SGCD: variants seen among roughly 807,000 people sequenced by gnomAD.
The protein encoded by SGCD is delta-sarcoglycan.
In SGCD, 18 loss-of-function variants were observed where a neutral mutation model predicts 36.6. The observed-to-expected ratio is 0.49, with a 90% confidence interval of 0.34 to 0.73. The LOEUF is 0.73. Among genes scored for constraint, SGCD ranks in the 30% least tolerant of loss-of-function variants. The pLI is 0.01. For synonymous variants in SGCD, 133 were observed against 130.6 expected (o/e 1.02, Z -0.12); for missense variants, 387 against 346.7 (o/e 1.12, Z -0.92).
At chr5:156,378,880 A>T (rs1413659858) in intron 3 of SGCD, among the ~76,000 whole-genome samples, 1 of 152,202 alleles carries the variant, frequency 6.6e-6, no homozygotes, top group Non-Finnish European at 1.5e-5. Flanking sequence ...TGTATATTGC[A>T]TATGATAAAA....
At chr5:156,091,882 G>T (rs1355270827) in intron 1 of SGCD, among the ~76,000 whole-genome samples, 1 of 152,330 alleles carries the variant, frequency 6.6e-6, no homozygotes, top group Admixed American at 6.5e-5. Flanking sequence ...GGCTGCCACT[G>T]CCTAAAGGCA....
chr5:156,362,002 G>A (rs1769821286), intron 3 of SGCD, among the ~76,000 whole-genome samples: 1 of 152,202 alleles, frequency 6.6e-6, no homozygotes, highest in Non-Finnish European at 1.5e-5. Context: ...GAAGAGCTGG[G>A]CAAGATTTTA....
intron 4 of SGCD, among the ~76,000 whole-genome samples, chr5:156,537,933 T>G (rs1758189611): frequency 6.6e-6 from 1 of 152,092 alleles, no homozygotes; most frequent in South Asian, 2.1e-4. Context: ...ACATACCGTC[T>G]TTTCTTCCTG....
chr5:156,716,644 T>A (rs905136635), intron 7 of SGCD, among the ~76,000 whole-genome samples: 2 of 152,256 alleles, frequency 1.3e-5, no homozygotes, highest in Non-Finnish European at 2.9e-5. Context: ...ATTATTTTGC[T>A]GCATTGCCAG....
At chr5:156,530,894 A>G (rs1044772423) in intron 4 of SGCD, among the ~76,000 whole-genome samples, 2 of 151,900 alleles carry the variant, frequency 1.3e-5, no homozygotes, top group South Asian at 2.1e-4. Flanking sequence ...CTTTATTTCT[A>G]TTGCTGCTAC....
intron 3 of SGCD, among the ~76,000 whole-genome samples, chr5:156,306,691 A>G (rs1013529874): frequency 6.6e-6 from 1 of 152,102 alleles, no homozygotes; most frequent in African/African-American, 2.4e-5. Context: ...CTTTCTTGCT[A>G]TTATGTTAAA....
In SGCD at chr5:156,760,116, A is replaced by G. The variant is rs1320082723; in HGVS notation, c.*726A>G. ...CCTCCAAACTCACAGATTCTCCTAC[A>G]GTCAAATTAGGAGCTGTAAATCAGC... On this transcript the variant is annotated 3_prime_UTR_variant, in exon 9 of 9. Transcript: ENST00000337851. 1.3e-5 allele frequency: 2 copies of G among 152,196 alleles called. No homozygotes were observed. Among genetic ancestry groups the G allele is most frequent in the Non-Finnish European group, 2.9e-5 (2 of 68,032 alleles). 9.4% of individuals were successfully genotyped at this position (152,196 alleles called of 1,614,324 possible). A position where few individuals can be genotyped will look rare whatever the true frequency, so the allele number is the denominator to read the frequency against.
the SGCD span, among the ~76,000 whole-genome samples, chr5:155,816,523 G>T: frequency 6.6e-6 from 1 of 152,166 alleles, no homozygotes; most frequent in African/African-American, 2.4e-5. Flanking sequence ...TCGTCTTGTT[G>T]TCTCAGGAGT....
the SGCD span, among the ~76,000 whole-genome samples, chr5:155,863,076 T>A: frequency 6.6e-6 from 1 of 152,168 alleles, no homozygotes; most frequent in Non-Finnish European, 1.5e-5. Context: ...TCCATGTATC[T>A]TGGAGTGGAT....
chr5:156,152,581 A>G (rs147826470), intron 3 of SGCD, among the ~76,000 whole-genome samples: 6 of 151,832 alleles, frequency 4.0e-5, no homozygotes, highest in African/African-American at 1.5e-4. Context: ...CTTTATTGAG[A>G]TATAAATCAT....
intron 3 of SGCD, among the ~76,000 whole-genome samples, chr5:156,209,562 G>A (rs1764381761): frequency 6.6e-6 from 1 of 152,176 alleles, no homozygotes; most frequent in African/African-American, 2.4e-5. Flanking sequence ...ACAGGCTCAA[G>A]GACTGTTCCA....
At chr5:156,311,240 T>C (rs2127690497) in intron 3 of SGCD, among the ~76,000 whole-genome samples, 1 of 152,288 alleles carries the variant, frequency 6.6e-6, no homozygotes, top group African/African-American at 2.4e-5. Flanking sequence ...TTCCCTGCTG[T>C]CTTAAAATCT....
intron 3 of SGCD, among the ~76,000 whole-genome samples, chr5:156,488,662 A>G (rs1018304363): frequency 1.3e-5 from 2 of 152,198 alleles, no homozygotes; most frequent in African/African-American, 4.8e-5. Flanking sequence ...AAGGAGTCTT[A>G]CATCTGGAAG....
chr5:156,702,365 C>G (rs1754561698), intron 7 of SGCD, among the ~76,000 whole-genome samples: 1 of 152,056 alleles, frequency 6.6e-6, no homozygotes, highest in Non-Finnish European at 1.5e-5. Context: ...ATATTCTTCT[C>G]TTTATGAACT....
At chr5:156,703,228 T>C (rs920658858) in intron 7 of SGCD, among the ~76,000 whole-genome samples, 4 of 152,344 alleles carry the variant, frequency 2.6e-5, no homozygotes, top group African/African-American at 9.6e-5. Context: ...GATGAAATCT[T>C]AGATTCTTCA....
the SGCD span, among the ~76,000 whole-genome samples, chr5:155,853,059 G>A: frequency 4.7e-5 from 7 of 149,118 alleles, no homozygotes; most frequent in Non-Finnish European, 8.8e-5. Flanking sequence ...GACTGGAAGA[G>A]TTTTAGTTAT....
At chr5:156,571,205 C>G (rs952196648) in intron 4 of SGCD, among the ~76,000 whole-genome samples, 1 of 151,994 alleles carries the variant, frequency 6.6e-6, no homozygotes, top group African/African-American at 2.4e-5. Context: ...GCTATCGCAC[C>G]CAGCTAATTA....
intron 3 of SGCD, among the ~76,000 whole-genome samples, chr5:156,262,956 CACACATATATAT>C (rs1436399703): frequency 6.6e-6 from 1 of 151,558 alleles, no homozygotes; most frequent in Non-Finnish European, 1.5e-5. Context: ...CACATATATA[CACACATATATAT>C]ACACTACAAT....
At chr5:155,876,206 C>T (rs1448900995) in intron 1 of SGCD, among the ~76,000 whole-genome samples, 1 of 116,236 alleles carries the variant, frequency 8.6e-6, no homozygotes, top group Non-Finnish European at 1.7e-5. Flanking sequence ...CCCCTCCCCC[C>T]ACCCCACCAC....
Sources: allele counts gnomAD v4.1 joint callset (sites outside exome capture counted in the v4.1 genomes callset), GRCh38; gene constraint gnomAD v4.1.1; transcripts MANE v1.5; gene names NCBI Gene and HGNC (gene_info 2026-07-23, HGNC 2026-07-21).